Variants in VTCN1 observed in about 807,000 individuals in gnomAD.
The protein encoded by VTCN1 is V-set domain containing T cell activation inhibitor 1, also known as V-set domain-containing T-cell activation inhibitor 1.
VTCN1 carries 26 observed loss-of-function variants against 26.5 expected under a neutral mutation model. The ratio of observed to expected loss-of-function variants is 0.98; its 90% CI spans 0.72 to 1.36. VTCN1 has a LOEUF of 1.36. Among genes scored for constraint, VTCN1 ranks in the 40% most tolerant of loss-of-function variants. The pLI is 0.00. For missense variants in VTCN1, 298 were observed against 337.7 expected, an observed-to-expected ratio of 0.88 and a Z score of 0.92; for synonymous variants, 116 against 130.7, an observed-to-expected ratio of 0.89 and a Z score of 0.77.
intron 1 of VTCN1, among the ~76,000 whole-genome samples, chr1:117,182,804 T>C (rs552868619): frequency 6.6e-6 from 1 of 152,258 alleles, no homozygotes; most frequent in South Asian, 2.1e-4. Context: ...CAGTCTTAGT[T>C]TTCTTCTATA....
At chr1:117,210,673 C>A (rs1348594302) in intron 1 of VTCN1, 151 bp downstream of exon 1, 2 of 808,604 alleles carry the variant, frequency 2.5e-6, no homozygotes, top group Admixed American at 2.2e-5. Context: ...CAGTTAGGCT[C>A]TTGTCTGGCC....
rs1001430381 is a variant in VTCN1 at position 117,208,551 on chromosome 1, A to G, written c.32+2273T>C. On this transcript the variant is annotated intron_variant, in intron 1 of 5. Coordinates refer to ENST00000369458, the MANE Select transcript of VTCN1 (RefSeq NM_024626.4). Reference sequence around the variant, plus strand: ...CATTGTCTAGTGCAATATTCAGGACACAGTGAGTGCTCAGTTAATATTGTT... The same window carrying G: ...CATTGTCTAGTGCAATATTCAGGACGCAGTGAGTGCTCAGTTAATATTGTT... Among the ~76,000 whole-genome samples, 5 of 152,366 alleles carry G rather than the reference A, an allele frequency of 3.3e-5. No individual in the cohort carries two copies. In the East Asian group the frequency reaches 9.6e-4, roughly 29 times the overall value.
chr1:117,179,413 T>C (rs1028640964), intron 1 of VTCN1, among the ~76,000 whole-genome samples: 2 of 152,188 alleles, frequency 1.3e-5, no homozygotes, highest in East Asian at 1.9e-4. Flanking sequence ...AGACTAAATA[T>C]AGTGATATCA....
intron 1 of VTCN1, chr1:117,203,785 G>T: frequency 2.0e-6 from 2 of 985,424 alleles, no homozygotes; most frequent in South Asian, 9.4e-5. Context: ...GCACAGAGCG[G>T]CTGCTAATAC....
chr1:117,151,568 A>G (rs1281742443), intron 4 of VTCN1, among the ~76,000 whole-genome samples: 1 of 152,044 alleles, frequency 6.6e-6, no homozygotes, highest in Non-Finnish European at 1.5e-5. Context: ...TGATTGGTCC[A>G]TTTTACAGAG....
At chr1:117,195,401 C>T (rs571846128) in intron 1 of VTCN1, among the ~76,000 whole-genome samples, 1 of 151,852 alleles carries the variant, frequency 6.6e-6, no homozygotes, top group Non-Finnish European at 1.5e-5. Context: ...TGTTAACTGA[C>T]CTGATTGTGG....
Position 117,144,779 on chromosome 1 carries a change from T to C in VTCN1, c.*492A>G, listed in dbSNP as rs1032397256. The C allele has an allele frequency of 3.3e-5, 5 of 152,630 alleles. No individual in the cohort carries two copies. Among genetic ancestry groups the C allele is most frequent in the African/African-American group, 1.2e-4 (5 of 41,444 alleles). 9.5% of individuals were successfully genotyped at this position (152,630 alleles called of 1,614,324 possible). ...CCTGAGTTGCGAAGTGGCAGTCAAT[T>C]AGCAGCGTCTTAGGGTACATACTAC... On this transcript the variant is annotated 3_prime_UTR_variant, in exon 6 of 6. Transcript: ENST00000369458.
Position 117,143,591 on chromosome 1 carries a change from G to A in VTCN1, c.*1680C>T, listed in dbSNP as rs1286050096. 2.6e-5 allele frequency: 4 copies of A among 152,186 alleles called. No homozygotes were observed. Among genetic ancestry groups the A allele is most frequent in the Non-Finnish European group, 4.4e-5 (3 of 68,048 alleles). 9.4% of individuals were successfully genotyped at this position (152,186 alleles called of 1,614,324 possible). A position where few individuals can be genotyped will look rare whatever the true frequency, so the allele number is the denominator to read the frequency against. ...TTTGACAAACCAGGCAGACAATGGTGTAGGAAATGTATATTTAATCATTCT... is the reference window on the plus strand; with the variant it reads ...TTTGACAAACCAGGCAGACAATGGTATAGGAAATGTATATTTAATCATTCT... On this transcript the variant is annotated 3_prime_UTR_variant, in exon 6 of 6. Coordinates refer to ENST00000369458, the MANE Select transcript of VTCN1 (RefSeq NM_024626.4).
At chr1:117,198,165 C>T (rs1216023627) in intron 1 of VTCN1, among the ~76,000 whole-genome samples, 1 of 152,210 alleles carries the variant, frequency 6.6e-6, no homozygotes, top group East Asian at 1.9e-4. Context: ...CAACTCTCAT[C>T]TTCCACTTCC....
rs566816149 is a variant in VTCN1, at chr1:117,209,589, GCTAGCTCCT to G, written c.32+1226_32+1234del. ...GCAGGGAAGGAGTCACTCACAAAAT[GCTAGCTCCT>G]CTGACATAGGTGCTTCTTAGGGACA... On this transcript the variant is annotated intron_variant, in intron 1 of 5. Coordinates refer to ENST00000369458, the MANE Select transcript of VTCN1 (RefSeq NM_024626.4). Among the ~76,000 whole-genome samples the G allele has an allele frequency of 1.6e-4, 24 of 152,312 alleles. No homozygotes were observed. In the East Asian group the frequency reaches 4.4e-3, roughly 28 times the overall value.
chr1:117,204,544 G>T (rs903262845), intron 1 of VTCN1, among the ~76,000 whole-genome samples: 43 of 152,090 alleles, frequency 2.8e-4, no homozygotes, highest in Non-Finnish European at 3.7e-4. Context: ...TTCTTAGCTA[G>T]GGTCCCTGGG....
intron 1 of VTCN1, among the ~76,000 whole-genome samples, chr1:117,187,655 T>A (rs1648014565): frequency 6.6e-6 from 1 of 152,174 alleles, no homozygotes; most frequent in Admixed American, 6.5e-5. Flanking sequence ...CACATTTGTG[T>A]CTCCTTTAGT....
At chr1:117,209,891 A>G (rs1263584276) in intron 1 of VTCN1, among the ~76,000 whole-genome samples, 1 of 152,136 alleles carries the variant, frequency 6.6e-6, no homozygotes, top group African/African-American at 2.4e-5. Context: ...CTCTTCACAA[A>G]CTTTTCACTG....
chr1:117,164,891 A>G (rs995967286), intron 2 of VTCN1, among the ~76,000 whole-genome samples: 4 of 152,188 alleles, frequency 2.6e-5, no homozygotes, highest in African/African-American at 9.7e-5. Context: ...TCTCTTTCAA[A>G]TGGTCCACCG....
At chr1:117,207,174 T>C (rs1041611861) in intron 1 of VTCN1, among the ~76,000 whole-genome samples, 3 of 152,178 alleles carry the variant, frequency 2.0e-5, no homozygotes, top group Non-Finnish European at 4.4e-5. Flanking sequence ...GCAAACTCCC[T>C]GAGCCTCCTT....
chr1:117,173,110 A>G (rs1653011183), intron 1 of VTCN1: 1 of 710,940 alleles, frequency 1.4e-6, no homozygotes, highest in African/African-American at 1.7e-5. Context: ...CAGAGAGACC[A>G]GAACCCACAG....
At chr1:117,210,571 G>T (rs1213595713) in intron 1 of VTCN1, among the ~76,000 whole-genome samples, 1 of 152,170 alleles carries the variant, frequency 6.6e-6, no homozygotes, top group Non-Finnish European at 1.5e-5. Context: ...TGCCCAGCAA[G>T]CGCCAGCCCT....
chr1:117,171,726 G>A (rs1358909123), intron 1 of VTCN1, among the ~76,000 whole-genome samples: 1 of 152,204 alleles, frequency 6.6e-6, no homozygotes, highest in Non-Finnish European at 1.5e-5. Context: ...AGTAACCTTA[G>A]GAGGAGAACA....
At chr1:117,191,380 G>A (rs373197825) in intron 1 of VTCN1, among the ~76,000 whole-genome samples, 1 of 152,202 alleles carries the variant, frequency 6.6e-6, no homozygotes, top group African/African-American at 2.4e-5. Context: ...TAGGCCAGGC[G>A]TGGTGGCCTA....
Sources: gnomAD v4.1 joint callset for allele counts (sites outside exome capture counted in the v4.1 genomes callset) on GRCh38, gnomAD v4.1.1 for gene constraint, MANE v1.5 for transcripts, NCBI Gene and HGNC (gene_info 2026-07-23, HGNC 2026-07-21) for gene names.